Variants in DSCAM observed in about 807,000 individuals in gnomAD.
DSCAM encodes DS cell adhesion molecule.
In DSCAM, 47 loss-of-function variants were observed where a neutral mutation model predicts 217.7. The observed-to-expected ratio is 0.22, with a 90% CI of 0.17 to 0.28. The LOEUF is 0.28. DSCAM is among the 10% of genes least tolerant of loss of function. The pLI, the probability that DSCAM is intolerant of heterozygous loss-of-function variation, is 1.00. For missense variants in DSCAM, 2,080 were observed against 2,618.3 expected (o/e 0.79, Z 4.49); for synonymous variants, 1,056 against 1,015.3 (o/e 1.04, Z -0.76).
At chr21:40,536,663 C>T (rs1409498023) in intron 3 of DSCAM, among the ~76,000 whole-genome samples, 1 of 152,144 alleles carries the variant, frequency 6.6e-6, no homozygotes, top group Non-Finnish European at 1.5e-5. Flanking sequence ...GCCTTGGCCT[C>T]CCAAAGTGCA....
At chr21:40,325,074 G>A (rs2074303087) in intron 8 of DSCAM, among the ~76,000 whole-genome samples, 2 of 152,238 alleles carry the variant, frequency 1.3e-5, no homozygotes, top group African/African-American at 4.8e-5. Context: ...TGCTTGAGAA[G>A]TATTTTTCAT....
intron 20 of DSCAM, among the ~76,000 whole-genome samples, chr21:40,109,914 G>T (rs1424885591): frequency 5.3e-5 from 8 of 152,200 alleles, no homozygotes; most frequent in Admixed American, 5.2e-4. Flanking sequence ...AAACAAAGTG[G>T]CCGGGAAGCT....
Position 40,236,410 on chromosome 21 carries a change from G to A in DSCAM, c.2356+39687C>T, listed in dbSNP as rs187926477. On this transcript the variant is annotated intron_variant, in intron 11 of 32. Transcript: ENST00000400454. ...GCTCTTCTCTATCTGGTGGGTCTCCGTGGATGTGGGCTAGTTTATCCTTCC... is the reference window on the plus strand; with the variant it reads ...GCTCTTCTCTATCTGGTGGGTCTCCATGGATGTGGGCTAGTTTATCCTTCC... Among the ~76,000 whole-genome samples the A allele has an allele frequency of 2.2e-4, 33 of 152,264 alleles. 1 individual carries two copies. Among genetic ancestry groups the A allele is most frequent in the Admixed American group, 8.5e-4 (13 of 15,288 alleles).
intron 8 of DSCAM, among the ~76,000 whole-genome samples, chr21:40,334,879 C>T (rs1382322652): frequency 6.6e-6 from 1 of 151,906 alleles, no homozygotes; most frequent in Admixed American, 6.6e-5. Flanking sequence ...CCAATAAAGC[C>T]CCCATCTCAC....
intron 10 of DSCAM, among the ~76,000 whole-genome samples, chr21:40,292,968 C>T (rs2073912347): frequency 6.6e-6 from 1 of 152,068 alleles, no homozygotes; most frequent in African/African-American, 2.4e-5. Context: ...GATCTCCTGA[C>T]CTCATGATCC....
chr21:40,527,570 A>T (rs1413459825), intron 3 of DSCAM, among the ~76,000 whole-genome samples: 2 of 152,154 alleles, frequency 1.3e-5, no homozygotes, highest in African/African-American at 4.8e-5. Context: ...GCTGCTCATA[A>T]ACTCATGACT....
intron 11 of DSCAM, among the ~76,000 whole-genome samples, chr21:40,192,072 T>C (rs1036664911): frequency 2.0e-4 from 31 of 152,196 alleles, no homozygotes; most frequent in Non-Finnish European, 4.1e-4. Context: ...CCAGTACATA[T>C]ACATATATAC....
intron 19 of DSCAM, among the ~76,000 whole-genome samples, chr21:40,128,498 G>A (rs1055757492): frequency 3.3e-5 from 5 of 152,006 alleles, no homozygotes; most frequent in African/African-American, 1.2e-4. Context: ...GAAAAGGAAA[G>A]TTTCCTGGGT....
At chr21:40,306,202 C>A (rs62223788) in intron 9 of DSCAM, among the ~76,000 whole-genome samples, 1 of 147,512 alleles carries the variant, frequency 6.8e-6, no homozygotes, top group African/African-American at 2.6e-5. Context: ...CTCTTTGAAG[C>A]AATTGTGAAT....
chr21:40,698,842 C>G (rs534121556), intron 2 of DSCAM, among the ~76,000 whole-genome samples: 1 of 146,388 alleles, frequency 6.8e-6, no homozygotes, highest in Non-Finnish European at 1.5e-5. Context: ...TGCACTCCAG[C>G]CTGGGCGACA....
At chr21:40,277,753 C>G (rs1024055627) in intron 10 of DSCAM, among the ~76,000 whole-genome samples, 2 of 150,910 alleles carry the variant, frequency 1.3e-5, no homozygotes, top group African/African-American at 4.9e-5. Context: ...CCTGCTAATC[C>G]CAGCTACTTG....
intron 1 of DSCAM, among the ~76,000 whole-genome samples, chr21:40,799,278 G>A (rs922892073): frequency 5.9e-5 from 9 of 151,998 alleles, no homozygotes; most frequent in Non-Finnish European, 1.2e-4. Flanking sequence ...AATCTATATT[G>A]CCAATAGGTA....
chr21:40,053,558 T>C (rs1233111220), intron 29 of DSCAM, among the ~76,000 whole-genome samples: 2 of 152,254 alleles, frequency 1.3e-5, no homozygotes, highest in Admixed American at 1.3e-4. Flanking sequence ...ATCATGAGGT[T>C]AACCATTCAT....
intron 11 of DSCAM, among the ~76,000 whole-genome samples, chr21:40,258,135 T>A (rs1307746271): frequency 2.0e-5 from 3 of 152,188 alleles, no homozygotes; most frequent in Non-Finnish European, 4.4e-5. Flanking sequence ...GGGGAGAAAG[T>A]ATTGTTCCTA....
At chr21:40,805,997 C>T (rs112570806) in intron 1 of DSCAM, among the ~76,000 whole-genome samples, 6 of 152,232 alleles carry the variant, frequency 3.9e-5, no homozygotes, top group South Asian at 2.1e-4. Context: ...CATGAGCCAC[C>T]GCACCTGGCC....
chr21:40,014,462 G>GA (rs1250137129), intron 32 of DSCAM, among the ~76,000 whole-genome samples: 1 of 152,164 alleles, frequency 6.6e-6, no homozygotes, highest in East Asian at 1.9e-4. Flanking sequence ...TCTGCTGCAG[G>GA]AAGGGAGGCA....
intron 3 of DSCAM, among the ~76,000 whole-genome samples, chr21:40,679,290 A>G (rs1200371377): frequency 6.6e-6 from 1 of 152,248 alleles, no homozygotes; most frequent in Non-Finnish European, 1.5e-5. Flanking sequence ...AGCTTCTACT[A>G]TGTGTCTGGA....
chr21:40,230,234 T>C (rs2091369536), intron 11 of DSCAM, among the ~76,000 whole-genome samples: 1 of 152,246 alleles, frequency 6.6e-6, no homozygotes, highest in African/African-American at 2.4e-5. Context: ...CTATCTGCTT[T>C]TGTTTTCTGT....
intron 1 of DSCAM, among the ~76,000 whole-genome samples, chr21:40,752,085 G>A (rs2837807): frequency 0.39 from 59,800 of 152,008 alleles, 12,932 homozygotes; most frequent in African/African-American, 0.59. Flanking sequence ...AGAATAAAGT[G>A]CAGGTCATCT....
Sources: allele counts gnomAD v4.1 joint callset (sites outside exome capture counted in the v4.1 genomes callset), GRCh38; gene constraint gnomAD v4.1.1; transcripts MANE v1.5; gene names NCBI Gene and HGNC (gene_info 2026-07-23, HGNC 2026-07-21).